FBN2: variants seen among roughly 807,000 people sequenced by gnomAD.
The protein encoded by FBN2 is fibrillin-2.
A neutral mutation model predicts 355.6 loss-of-function variants in FBN2; 105 were observed. The observed-to-expected ratio is 0.30, with a 90% confidence interval of 0.25 to 0.35. The LOEUF (loss-of-function observed/expected upper bound fraction) is 0.35, where lower values mean the gene tolerates loss of function less well. Ranked by LOEUF, FBN2 falls within the 10% of genes least tolerant of loss-of-function variation. FBN2 has a pLI of 1.00. For missense variants in FBN2, 3,280 were observed against 3,758.7 expected (o/e 0.87, Z 3.33); for synonymous variants, 1,350 against 1,301.2 (o/e 1.04, Z -0.81).
chr5:128,455,780 G>A (rs1191080596), intron 6 of FBN2, among the ~76,000 whole-genome samples: 1 of 151,558 alleles, frequency 6.6e-6, no homozygotes, highest in Non-Finnish European at 1.5e-5. Flanking sequence ...TTTTTTCCAG[G>A]GAACTGTGCA....
intron 9 of FBN2, among the ~76,000 whole-genome samples, chr5:128,394,103 T>C (rs1752588185): frequency 6.6e-6 from 1 of 152,198 alleles, no homozygotes; most frequent in Non-Finnish European, 1.5e-5. Context: ...TTTTATGACT[T>C]AGAGATTTTG....
At chr5:128,297,606 C>G (rs1195386689) in intron 48 of FBN2, among the ~76,000 whole-genome samples, 1 of 152,162 alleles carries the variant, frequency 6.6e-6, no homozygotes, top group Non-Finnish European at 1.5e-5. Flanking sequence ...TTCTTTGTCT[C>G]TTTTGATCTT....
chr5:128,535,638 C>T (rs74593914), intron 2 of FBN2, among the ~76,000 whole-genome samples: 2,608 of 152,260 alleles, frequency 0.017, 79 homozygotes, highest in African/African-American at 0.06. Context: ...AACTAATGAG[C>T]TCTCCAATTA....
intron 7 of FBN2, among the ~76,000 whole-genome samples, chr5:128,433,646 C>G (rs1036905558): frequency 2.0e-5 from 3 of 152,134 alleles, no homozygotes; most frequent in Non-Finnish European, 4.4e-5. Context: ...AGCTATATGG[C>G]TAGTTAAATC....
At chr5:128,366,324 G>C in intron 17 of FBN2, 53 bp downstream of exon 17, 1 of 910,538 alleles carries the variant, frequency 1.1e-6, no homozygotes, top group Non-Finnish European at 1.8e-6. Context: ...GAATTATAAA[G>C]CTATACGATT....
chr5:128,409,718 G>A (rs896290658), intron 7 of FBN2, among the ~76,000 whole-genome samples: 2 of 151,950 alleles, frequency 1.3e-5, no homozygotes, highest in African/African-American at 4.8e-5. Context: ...CCAGTAACTA[G>A]AAGAAACAAC....
chr5:128,311,441 C>G lies in FBN2; in HGVS notation c.4949-16G>C, dbSNP rs982805725. 3 of 1,613,798 alleles carry G rather than the reference C, an allele frequency of 1.9e-6. No homozygotes were observed. Among genetic ancestry groups the G allele is most frequent in the Admixed American group, 1.7e-5 (1 of 60,018 alleles). On this transcript the variant is annotated splice_polypyrimidine_tract_variant and intron_variant, in intron 38 of 64. Coordinates refer to ENST00000262464, the MANE Select transcript of FBN2 (RefSeq NM_001999.4). Reference sequence around the variant, plus strand: ...TCGTCAATGTCTACAAAAAGGGAGACAGTGCACTTAAAACAAACACCTTCA... The same window carrying G: ...TCGTCAATGTCTACAAAAAGGGAGAGAGTGCACTTAAAACAAACACCTTCA...
intron 8 of FBN2, among the ~76,000 whole-genome samples, chr5:128,407,172 A>C (rs1752947482): frequency 6.6e-6 from 1 of 152,196 alleles, no homozygotes; most frequent in Admixed American, 6.5e-5. Flanking sequence ...TCAGTGTCAC[A>C]GTAGCACAAG....
At chr5:128,351,470 G>A (rs708963) in intron 20 of FBN2, among the ~76,000 whole-genome samples, 14 of 151,572 alleles carry the variant, frequency 9.2e-5, no homozygotes, top group Admixed American at 5.3e-4. Context: ...TCGCTTGAAC[G>A]CAGGAGGCAG....
Position 128,378,177 on chromosome 5 carries a change from C to T in FBN2, c.1724-300G>A, listed in dbSNP as rs542642301. 4.0e-5 allele frequency among the ~76,000 whole-genome samples: 6 copies of T among 151,794 alleles called. No individual in the cohort carries two copies. In the South Asian group the frequency reaches 1.3e-3, roughly 32 times the overall value. On this transcript the variant is annotated intron_variant, in intron 12 of 64. Coordinates refer to ENST00000262464, the MANE Select transcript of FBN2 (RefSeq NM_001999.4). ...TGTTTTTCACATAGTGGATGAAGGC[C>T]TTAAAAGTCAGAACAAGATGTTGGA...
Position 128,261,807 on chromosome 5 carries a change from A to T in FBN2, c.8293T>A (p.Cys2765Ser). ...NALSPEACYE[C>S]KINGYSKKDS... is the part of the protein sequence containing the mutation. ...TTCTTAGAATAGCCGTTGATTTTGC[A>T]CTCGTAGCATGCTTCTGGGGACAGA... The change falls in exon 64 of 65, where the codon TGC becomes AGC. Residue 2765 changes from cysteine to serine, a missense_variant. This residue lies in a region of FBN2 where 311 missense variants were observed against 319.1 expected (regional missense o/e 0.97). Coordinates refer to ENST00000262464, the MANE Select transcript of FBN2 (RefSeq NM_001999.4). The T allele has an allele frequency of 6.2e-7, 1 of 1,614,124 alleles. No homozygotes were observed. The highest frequency in any genetic ancestry group is 8.5e-7 in the Non-Finnish European group (1 of 1,179,984).
intron 41 of FBN2, among the ~76,000 whole-genome samples, chr5:128,308,858 G>T (rs1041546007): frequency 1.3e-5 from 2 of 152,024 alleles, no homozygotes; most frequent in African/African-American, 4.8e-5. Flanking sequence ...AATCCTTATT[G>T]AATTTAGTTT....
chr5:128,366,164 A>T (rs1394640830), intron 17 of FBN2, among the ~76,000 whole-genome samples: 2 of 152,060 alleles, frequency 1.3e-5, no homozygotes, highest in Non-Finnish European at 2.9e-5. Flanking sequence ...AACAATGCAT[A>T]TTTAACAGAT....
intron 19 of FBN2, among the ~76,000 whole-genome samples, chr5:128,361,132 T>C (rs1295813832): frequency 1.3e-5 from 2 of 152,174 alleles, no homozygotes; most frequent in Non-Finnish European, 2.9e-5. Flanking sequence ...ACTGCAAAAA[T>C]ATGTGATTAG....
chr5:128,468,170 T>A (rs947893762), intron 5 of FBN2, among the ~76,000 whole-genome samples: 5 of 152,200 alleles, frequency 3.3e-5, no homozygotes, highest in Admixed American at 6.5e-5. Context: ...CTCTGGACAA[T>A]TAATATAAGT....
At chr5:128,390,315 C>G (rs1408191790) in intron 11 of FBN2, among the ~76,000 whole-genome samples, 1 of 151,994 alleles carries the variant, frequency 6.6e-6, no homozygotes, top group Non-Finnish European at 1.5e-5. Context: ...CCATTGAGAT[C>G]CTTTCAGAGT....
At position 128,322,328 on chromosome 5, in the gene FBN2, C is replaced by T. The variant is rs1750401196; in HGVS notation, c.4472-3327G>A. 3.3e-5 allele frequency among the ~76,000 whole-genome samples: 5 copies of T among 152,116 alleles called. No individual in the cohort carries two copies. The South Asian group carries it at 1.0e-3, about 31-fold the overall frequency. On this transcript the variant is annotated intron_variant, in intron 34 of 64. Transcript: ENST00000262464. Reference sequence around the variant, plus strand: ...TCAATTTTGGCTTTTGTTGCCATTGCTTTTGGTGTTTCAGTCATGAAGTCT... The same window carrying T: ...TCAATTTTGGCTTTTGTTGCCATTGTTTTTGGTGTTTCAGTCATGAAGTCT...
intron 17 of FBN2, chr5:128,365,312 G>A (rs1751738510): frequency 6.5e-6 from 1 of 153,234 alleles, no homozygotes; most frequent in African/African-American, 2.4e-5. Flanking sequence ...GAGGGGCAGT[G>A]GAACTTGTGC....
rs994990895 is a variant in FBN2 at position 128,303,022 on chromosome 5, G to A, written c.5868C>T (p.Asn1956=). The A allele has an allele frequency of 5.6e-6, 9 of 1,612,364 alleles. No individual in the cohort carries two copies. The East Asian group carries it at 2.0e-4, about 36-fold the overall frequency. ...GTTCAAACCCTGGGTAGCACAGACAGTTATAGGATCCAACGGTGTTTTTAC... is the reference window on the plus strand; with the variant it reads ...GTTCAAACCCTGGGTAGCACAGACAATTATAGGATCCAACGGTGTTTTTAC... ...GTCKNTVGSY[N]CLCYPGFELT... is the part of the protein sequence containing the mutation. Residue 1956 remains asparagine, a synonymous_variant, in exon 46 of 65, where the codon AAC becomes AAT. Transcript: ENST00000262464.
Sources: gnomAD v4.1 joint callset for allele counts (sites outside exome capture counted in the v4.1 genomes callset) on GRCh38, gnomAD v4.1.1 for gene constraint, gnomAD v4.1.1 regional missense constraint, MANE v1.5 for transcripts, NCBI Gene and HGNC (gene_info 2026-07-23, HGNC 2026-07-21) for gene names.